The following COL8A1 variants were observed in gnomAD, a reference collection of about 807,000 sequenced individuals.
COL8A1 encodes collagen alpha-1(VIII) chain.
A neutral mutation model predicts 42.7 loss-of-function variants in COL8A1; 21 were observed. The observed-to-expected ratio is 0.49, with a 90% CI of 0.35 to 0.71. The LOEUF (loss-of-function observed/expected upper bound fraction) is 0.71. COL8A1 is among the 30% of genes least tolerant of loss of function. The pLI, the probability that COL8A1 is intolerant of heterozygous loss-of-function variation, is 0.01. For synonymous variants in COL8A1, 367 were observed against 369.1 expected (o/e 0.99, Z 0.06); for missense variants, 788 against 962.4 (o/e 0.82, Z 2.40).
chr3:99,734,113 G>C (rs1280108512), intron 1 of COL8A1, among the ~76,000 whole-genome samples: 2 of 151,918 alleles, frequency 1.3e-5, no homozygotes, highest in African/African-American at 2.4e-5. Flanking sequence ...TGTTAACTCT[G>C]ATGGTAGTTT....
At chr3:99,778,403 TG>T (rs1292640922) in intron 2 of COL8A1, among the ~76,000 whole-genome samples, 2 of 152,176 alleles carry the variant, frequency 1.3e-5, no homozygotes, top group Admixed American at 1.3e-4. Context: ...GCTTTTTCCT[TG>T]CAATGAGAAG....
chr3:99,769,152 A>G (rs1039249797), intron 2 of COL8A1, among the ~76,000 whole-genome samples: 4 of 152,228 alleles, frequency 2.6e-5, no homozygotes, highest in South Asian at 4.1e-4. Context: ...CTGGTTCCTC[A>G]TCTTATTTTT....
At chr3:99,792,996 A>G (rs1253691848) in intron 3 of COL8A1, among the ~76,000 whole-genome samples, 1 of 152,218 alleles carries the variant, frequency 6.6e-6, no homozygotes, top group African/African-American at 2.4e-5. Flanking sequence ...ATAAATTATT[A>G]TATTTAAAAA....
At chr3:99,732,910 T>C (rs1454247865) in intron 1 of COL8A1, among the ~76,000 whole-genome samples, 1 of 152,064 alleles carries the variant, frequency 6.6e-6, no homozygotes, top group East Asian at 1.9e-4. Flanking sequence ...CCTTTCCAAA[T>C]GGCAGAAATT....
intron 2 of COL8A1, among the ~76,000 whole-genome samples, chr3:99,784,757 G>A (rs1941859375): frequency 6.6e-6 from 1 of 152,152 alleles, no homozygotes; most frequent in Non-Finnish European, 1.5e-5. Context: ...GTCCTTTGCT[G>A]ACTGAAGCAT....
intron 1 of COL8A1, among the ~76,000 whole-genome samples, chr3:99,710,852 GA>G (rs1207790275): frequency 9.2e-5 from 14 of 152,194 alleles, no homozygotes; most frequent in African/African-American, 3.4e-4. Flanking sequence ...GCACTATTAA[GA>G]ATCTGGAAAC....
intron 1 of COL8A1, among the ~76,000 whole-genome samples, chr3:99,704,243 A>C (rs1474532599): frequency 6.6e-6 from 1 of 152,200 alleles, no homozygotes; most frequent in Non-Finnish European, 1.5e-5. Context: ...AATTGAATGA[A>C]TAGAATGAAT....
At chr3:99,791,418 T>C (rs1941997925) in intron 3 of COL8A1, among the ~76,000 whole-genome samples, 1 of 152,190 alleles carries the variant, frequency 6.6e-6, no homozygotes, top group Non-Finnish European at 1.5e-5. Flanking sequence ...AGCAATGTTG[T>C]AAGGACCTGC....
At chr3:99,708,780 A>G (rs1282184528) in intron 1 of COL8A1, among the ~76,000 whole-genome samples, 2 of 152,208 alleles carry the variant, frequency 1.3e-5, no homozygotes, top group East Asian at 3.9e-4. Context: ...TTATAAAGGC[A>G]TTTTCCAACC....
chr3:99,726,197 G>C (rs535006384), intron 1 of COL8A1, among the ~76,000 whole-genome samples: 6 of 152,126 alleles, frequency 3.9e-5, no homozygotes, highest in African/African-American at 1.4e-4. Context: ...GTGTTTTTTG[G>C]CTGCATAAAT....
At chr3:99,761,853 A>G (rs73860465) in intron 2 of COL8A1, among the ~76,000 whole-genome samples, 188 of 152,348 alleles carry the variant, frequency 1.2e-3, no homozygotes, top group African/African-American at 4.0e-3. Flanking sequence ...CTTTTACAGA[A>G]GATGAAATAC....
At chr3:99,756,575 A>G (rs1025315774) in intron 2 of COL8A1, among the ~76,000 whole-genome samples, 2 of 152,226 alleles carry the variant, frequency 1.3e-5, no homozygotes, top group African/African-American at 2.4e-5. Flanking sequence ...TCAGTTAAAA[A>G]GAATGTTAAA....
intron 3 of COL8A1, among the ~76,000 whole-genome samples, chr3:99,792,702 C>T (rs1231506273): frequency 6.6e-6 from 1 of 152,180 alleles, no homozygotes; most frequent in Non-Finnish European, 1.5e-5. Context: ...GCTTCTTGTT[C>T]CTAAGTCAAG....
intron 1 of COL8A1, among the ~76,000 whole-genome samples, chr3:99,673,373 A>G (rs1938602219): frequency 6.6e-6 from 1 of 152,076 alleles, no homozygotes; most frequent in Admixed American, 6.6e-5. Flanking sequence ...CTAGCTAAAA[A>G]GACTCAAAAG....
intron 1 of COL8A1, among the ~76,000 whole-genome samples, chr3:99,692,067 C>G (rs1939236457): frequency 6.6e-6 from 1 of 152,080 alleles, no homozygotes; most frequent in African/African-American, 2.4e-5. Flanking sequence ...CAGGTGGTAG[C>G]AAAGCCTCAA....
chr3:99,740,698 AG>A (rs1940875186), intron 1 of COL8A1, among the ~76,000 whole-genome samples: 2 of 152,224 alleles, frequency 1.3e-5, no homozygotes, highest in African/African-American at 4.8e-5. Context: ...GTGAGGACAC[AG>A]CCAAACCATA....
chr3:99,670,122 C>A (rs1938496160), intron 1 of COL8A1, among the ~76,000 whole-genome samples: 1 of 151,962 alleles, frequency 6.6e-6, no homozygotes, highest in Non-Finnish European at 1.5e-5. Flanking sequence ...TTGTATTTAG[C>A]TAAAGAGTTT....
intron 2 of COL8A1, among the ~76,000 whole-genome samples, chr3:99,756,005 G>A (rs1457127663): frequency 6.6e-6 from 1 of 152,002 alleles, no homozygotes; most frequent in Non-Finnish European, 1.5e-5. Flanking sequence ...AATGGAGACA[G>A]GGAGGTAAGG....
chr3:99,798,637 T>TGC lies in COL8A1; in HGVS notation c.*2505_*2506dup, dbSNP rs1559640278. ...ATATATATGTGTGTGTGTGTGTGTG[T>TGC]GCGCGTGAGCGCACGTGTGTGTATG... On this transcript the variant is annotated 3_prime_UTR_variant, in exon 4 of 4. Transcript: ENST00000652472. The TGC allele has an allele frequency of 2.8e-5, 4 of 144,604 alleles. No homozygotes were observed. The highest frequency in any genetic ancestry group is 1.0e-4 in the African/African-American group (4 of 38,992). 9.0% of individuals were successfully genotyped at this position (144,604 alleles called of 1,614,324 possible).
Sources: allele counts gnomAD v4.1 joint callset (sites outside exome capture counted in the v4.1 genomes callset), GRCh38; gene constraint gnomAD v4.1.1; transcripts MANE v1.5; gene names NCBI Gene and HGNC (gene_info 2026-07-23, HGNC 2026-07-21).